The following FRMD4B variants were observed in gnomAD, a reference collection of about 807,000 sequenced individuals.
FRMD4B encodes the protein FERM domain containing 4B, also known as FERM domain-containing protein 4B.
FRMD4B carries 74 observed loss-of-function variants against 141.5 expected under a neutral mutation model. That is an observed-to-expected ratio of 0.52 (90% CI 0.43 to 0.63). The LOEUF is 0.63. Ranked by LOEUF, FRMD4B falls within the 30% of genes least tolerant of loss-of-function variation. FRMD4B has a pLI of 0.00. For synonymous variants in FRMD4B, 506 were observed against 467.9 expected, an observed-to-expected ratio of 1.08 and a Z score of -1.05; for missense variants, 1,366 against 1,253.4, an observed-to-expected ratio of 1.09 and a Z score of -1.36.
At chr3:69,477,541 C>T (rs1706024213) in intron 1 of FRMD4B, among the ~76,000 whole-genome samples, 1 of 151,588 alleles carries the variant, frequency 6.6e-6, no homozygotes, top group African/African-American at 2.4e-5. Context: ...GCCTTGCATC[C>T]CAGGGATGAA....
chr3:69,496,493 T>C (rs1186955910), intron 1 of FRMD4B, among the ~76,000 whole-genome samples: 1 of 152,114 alleles, frequency 6.6e-6, no homozygotes, highest in African/African-American at 2.4e-5. Flanking sequence ...AGCAGACACA[T>C]GCTCTTTTTT....
At chr3:69,191,883 G>A (rs1158645663) in intron 17 of FRMD4B, among the ~76,000 whole-genome samples, 1 of 152,206 alleles carries the variant, frequency 6.6e-6, no homozygotes, top group Non-Finnish European at 1.5e-5. Context: ...TTCTCCAGCT[G>A]TAGTGGACTA....
intron 1 of FRMD4B, among the ~76,000 whole-genome samples, chr3:69,511,568 C>G (rs1021362523): frequency 2.0e-5 from 3 of 152,190 alleles, no homozygotes; most frequent in Admixed American, 1.3e-4. Context: ...CTGACAGCCC[C>G]AGCTGTCGCT....
At chr3:69,529,717 TTA>T (rs1171172183) in intron 1 of FRMD4B, among the ~76,000 whole-genome samples, 1 of 152,252 alleles carries the variant, frequency 6.6e-6, no homozygotes, top group Non-Finnish European at 1.5e-5. Flanking sequence ...TAGATAGTGC[TTA>T]TTGTGTCCTG....
At chr3:69,189,307 C>A (rs183884852) in intron 18 of FRMD4B, among the ~76,000 whole-genome samples, 1 of 151,700 alleles carries the variant, frequency 6.6e-6, no homozygotes, top group Non-Finnish European at 1.5e-5. Flanking sequence ...ATACAGCCTG[C>A]CTCTATGAAA....
chr3:69,536,110 G>A (rs565726432), intron 1 of FRMD4B: 1 of 474,074 alleles, frequency 2.1e-6, no homozygotes, highest in Non-Finnish European at 4.0e-6. Context: ...CTTGCTTGCC[G>A]GCCTTCTCTG....
chr3:69,190,612 C>T (rs879434499), intron 17 of FRMD4B, among the ~76,000 whole-genome samples: 3 of 152,220 alleles, frequency 2.0e-5, no homozygotes, highest in Admixed American at 2.0e-4. Context: ...GATCAGGTAT[C>T]ACCATTTGGC....
intron 1 of FRMD4B, among the ~76,000 whole-genome samples, chr3:69,535,475 C>T (rs916564348): frequency 5.1e-4 from 77 of 152,206 alleles, no homozygotes; most frequent in Non-Finnish European, 8.8e-5. Context: ...ATTAGTTCTA[C>T]TATTATTTGT....
At chr3:69,495,324 A>C (rs1291505566) in intron 1 of FRMD4B, among the ~76,000 whole-genome samples, 1 of 152,232 alleles carries the variant, frequency 6.6e-6, no homozygotes, top group Non-Finnish European at 1.5e-5. Context: ...GCTATTACTT[A>C]CATTAGCAAT....
chr3:69,521,921 A>G (rs2107132236), intron 1 of FRMD4B, among the ~76,000 whole-genome samples: 1 of 152,278 alleles, frequency 6.6e-6, no homozygotes, highest in Admixed American at 6.5e-5. Context: ...CCTGTTTTTT[A>G]TGGTCCTCAT....
intron 2 of FRMD4B, among the ~76,000 whole-genome samples, chr3:69,398,707 C>T (rs1437941987): frequency 2.0e-5 from 3 of 152,184 alleles, no homozygotes; most frequent in Non-Finnish European, 4.4e-5. Context: ...GGGCTGTAAT[C>T]TAGCCAGGGC....
chr3:69,296,108 C>T (rs1349073582), intron 4 of FRMD4B, among the ~76,000 whole-genome samples: 3 of 152,138 alleles, frequency 2.0e-5, no homozygotes, highest in Non-Finnish European at 4.4e-5. Context: ...AGTCACTGCT[C>T]GTGAGTGGCA....
chr3:69,500,346 C>T (rs551655829), intron 1 of FRMD4B, among the ~76,000 whole-genome samples: 4 of 152,162 alleles, frequency 2.6e-5, no homozygotes, highest in South Asian at 2.1e-4. Context: ...GTTGAAGATG[C>T]GCGGAGGATC....
chr3:69,453,743 T>C (rs1003752104), intron 1 of FRMD4B, among the ~76,000 whole-genome samples: 2 of 152,132 alleles, frequency 1.3e-5, no homozygotes, highest in African/African-American at 4.8e-5. Flanking sequence ...ATCTGACGCT[T>C]TGAGAGCAGG....
chr3:69,509,582 T>C (rs896755652), intron 1 of FRMD4B, among the ~76,000 whole-genome samples: 1 of 152,160 alleles, frequency 6.6e-6, no homozygotes, highest in Non-Finnish European at 1.5e-5. Context: ...CTAAATTTGA[T>C]TCTAGTCCTG....
At chr3:69,345,479 A>T (rs1042094777) in intron 1 of FRMD4B, among the ~76,000 whole-genome samples, 1 of 152,184 alleles carries the variant, frequency 6.6e-6, no homozygotes, top group Non-Finnish European at 1.5e-5. Flanking sequence ...GACAGCTTTG[A>T]AGAGAGTAGT....
chr3:69,197,319 A>G (rs1421715853), intron 12 of FRMD4B, among the ~76,000 whole-genome samples: 4 of 152,202 alleles, frequency 2.6e-5, no homozygotes, highest in African/African-American at 9.7e-5. Flanking sequence ...ATACAAAAAC[A>G]TTTAGTTAGA....
intron 1 of FRMD4B, among the ~76,000 whole-genome samples, chr3:69,517,843 C>G (rs1348103052): frequency 6.6e-6 from 1 of 152,178 alleles, no homozygotes; most frequent in African/African-American, 2.4e-5. Flanking sequence ...GTATAAGAAA[C>G]CCCTGCTGGC....
At chr3:69,226,573 T>C (rs915481891) in intron 7 of FRMD4B, among the ~76,000 whole-genome samples, 5 of 152,150 alleles carry the variant, frequency 3.3e-5, no homozygotes, top group African/African-American at 1.2e-4. Context: ...ATCGACCACA[T>C]GCATGTTGTT....
Sources: gnomAD v4.1 joint callset for allele counts (sites outside exome capture counted in the v4.1 genomes callset) on GRCh38, gnomAD v4.1.1 for gene constraint, MANE v1.5 for transcripts, NCBI Gene and HGNC (gene_info 2026-07-23, HGNC 2026-07-21) for gene names.